DSCAM: variants seen among roughly 807,000 people sequenced by gnomAD.
The protein encoded by DSCAM is DS cell adhesion molecule.
In DSCAM, 47 loss-of-function variants were observed where a neutral mutation model predicts 217.7. That is an observed-to-expected ratio of 0.22 (90% CI 0.17 to 0.28). The LOEUF is 0.28. Among genes scored for constraint, DSCAM ranks in the 10% least tolerant of loss-of-function variants. DSCAM has a pLI of 1.00. For missense variants in DSCAM, 2,080 were observed against 2,618.3 expected, an observed-to-expected ratio of 0.79 and a Z score of 4.49; for synonymous variants, 1,056 against 1,015.3, an observed-to-expected ratio of 1.04 and a Z score of -0.76.
chr21:40,461,163 A>G (rs1474219504), intron 3 of DSCAM, among the ~76,000 whole-genome samples: 1 of 152,206 alleles, frequency 6.6e-6, no homozygotes, highest in Non-Finnish European at 1.5e-5. Flanking sequence ...CATAGGCATA[A>G]TACTTTACCA....
Position 40,238,076 on chromosome 21 carries a change from A to T in DSCAM, c.2356+38021T>A, listed in dbSNP as rs574842736. On this transcript the variant is annotated intron_variant, in intron 11 of 32. Transcript: ENST00000400454. ...GATTGGGAGAAAAATTGAATCAGAT[A>T]TGGGGATATGTGGGAGGAAATGAAG... Among the ~76,000 whole-genome samples, 5 of 152,312 alleles carry T rather than the reference A, an allele frequency of 3.3e-5. No homozygotes were observed. The East Asian group carries it at 9.6e-4, about 29-fold the overall frequency.
intron 3 of DSCAM, among the ~76,000 whole-genome samples, chr21:40,425,490 A>T (rs900896250): frequency 6.6e-6 from 1 of 151,860 alleles, no homozygotes; most frequent in African/African-American, 2.4e-5. Context: ...GTACCTTAGA[A>T]CTTAAAGTAT....
In DSCAM at chr21:40,055,680, G is replaced by C. The variant is rs200676569; in HGVS notation, c.5035+45C>G. ...CTGGGGTTTGGATTGAGAAGGCATG[G>C]CTGTGGCAGCCACTTTGTGTAAAGT... is the stretch of plus-strand genomic sequence containing the variant. On this transcript the variant is annotated intron_variant, in intron 29 of 32. Coordinates refer to ENST00000400454, the MANE Select transcript of DSCAM (RefSeq NM_001389.5). 86 of 1,473,784 alleles carry C rather than the reference G, an allele frequency of 5.8e-5. No homozygotes were observed. The African/African-American group carries it at 1.1e-3, about 20-fold the overall frequency. The allele number at this position is 1,473,784 out of a possible 1,614,324, so 91.3% of individuals were successfully genotyped here.
intron 3 of DSCAM, among the ~76,000 whole-genome samples, chr21:40,635,463 A>G (rs1234428965): frequency 6.6e-6 from 1 of 152,200 alleles, no homozygotes; most frequent in African/African-American, 2.4e-5. Flanking sequence ...TCTAGTTAAG[A>G]AAGAAAGAGA....
At chr21:40,461,337 T>C (rs144856237) in intron 3 of DSCAM, among the ~76,000 whole-genome samples, 2 of 152,286 alleles carry the variant, frequency 1.3e-5, no homozygotes, top group African/African-American at 2.4e-5. Context: ...ACAATAATAA[T>C]AACATTTTCT....
intron 3 of DSCAM, among the ~76,000 whole-genome samples, chr21:40,582,535 C>T (rs1439522649): frequency 6.6e-6 from 1 of 152,120 alleles, no homozygotes; most frequent in Non-Finnish European, 1.5e-5. Context: ...GCTTTTGTAA[C>T]AATTCCCAAA....
At position 40,399,909 on chromosome 21, in the gene DSCAM, GC is replaced by G. The variant is rs747868453; in HGVS notation, c.509-30665del. ...AACAAAGTAACAAAGCAATGTTGCTGCTTTTTTCTCCTGTCCCTGGATTTCC... is the reference window on the plus strand; with the variant it reads ...AACAAAGTAACAAAGCAATGTTGCTGTTTTTTCTCCTGTCCCTGGATTTCC... On this transcript the variant is annotated intron_variant, in intron 3 of 32. Transcript: ENST00000400454. 2.2e-4 allele frequency among the ~76,000 whole-genome samples: 34 copies of G among 152,212 alleles called. No homozygotes were observed. The East Asian group carries it at 2.9e-3, about 13-fold the overall frequency.
intron 6 of DSCAM, among the ~76,000 whole-genome samples, chr21:40,343,428 G>A (rs1409865122): frequency 6.6e-6 from 1 of 152,132 alleles, no homozygotes; most frequent in Non-Finnish European, 1.5e-5. Flanking sequence ...GATTGTTCAG[G>A]ATGCCACTCA....
chr21:40,022,837 G>A (rs1196436750), intron 32 of DSCAM, among the ~76,000 whole-genome samples: 1 of 151,460 alleles, frequency 6.6e-6, no homozygotes, highest in Non-Finnish European at 1.5e-5. Flanking sequence ...TTTACCAAAA[G>A]TATTGAGTTG....
At chr21:40,508,812 C>CTTTTTTTTT (rs2076235748) in intron 3 of DSCAM, among the ~76,000 whole-genome samples, 1 of 30,826 alleles carries the variant, frequency 3.2e-5, no homozygotes, top group Non-Finnish European at 7.0e-5. Flanking sequence ...TTTTTTTTTA[C>CTTTTTTTTT]TTTTTTATAG....
At chr21:40,791,782 C>T (rs1217698355) in intron 1 of DSCAM, among the ~76,000 whole-genome samples, 4 of 152,206 alleles carry the variant, frequency 2.6e-5, no homozygotes, top group Non-Finnish European at 4.4e-5. Flanking sequence ...ATCAAAGTGA[C>T]TCTCCTCACA....
chr21:40,491,445 C>T lies in DSCAM; in HGVS notation c.509-122200G>A, dbSNP rs11911988. ...AGGCCTGCCTCTTTCTAGTGTTGCA[C>T]GCCACCCCCACCCTCCAGTCACCTC... On this transcript the variant is annotated intron_variant, in intron 3 of 32. Transcript: ENST00000400454. Among the ~76,000 whole-genome samples the T allele has an allele frequency of 8.9e-3, 1,349 of 152,058 alleles. 23 individuals are homozygous for T. The highest frequency in any genetic ancestry group is 0.03 in the African/African-American group (1,261 of 41,460).
At chr21:40,213,702 C>T (rs759706173) in intron 11 of DSCAM, among the ~76,000 whole-genome samples, 12 of 152,058 alleles carry the variant, frequency 7.9e-5, no homozygotes, top group Non-Finnish European at 1.5e-4. Context: ...GTTAAGGATG[C>T]CAGGGATGGA....
intron 1 of DSCAM, among the ~76,000 whole-genome samples, chr21:40,751,164 A>G (rs1349000318): frequency 3.3e-5 from 5 of 151,960 alleles, no homozygotes; most frequent in African/African-American, 1.2e-4. Context: ...CCCCGCTGAC[A>G]TCCCCAGGAC....
chr21:40,234,196 T>G (rs1248213884), intron 11 of DSCAM, among the ~76,000 whole-genome samples: 1 of 152,202 alleles, frequency 6.6e-6, no homozygotes, highest in Non-Finnish European at 1.5e-5. Context: ...TTGGACAACA[T>G]GGTGCCTGGG....
At chr21:40,396,042 G>C (rs1029126816) in intron 3 of DSCAM, among the ~76,000 whole-genome samples, 2 of 152,134 alleles carry the variant, frequency 1.3e-5, no homozygotes, top group African/African-American at 4.8e-5. Flanking sequence ...TCCCATGGAG[G>C]CTCCAACTCA....
chr21:40,280,263 C>T (rs1327189472), intron 10 of DSCAM, among the ~76,000 whole-genome samples: 8 of 141,992 alleles, frequency 5.6e-5, no homozygotes, highest in Non-Finnish European at 1.0e-4. Flanking sequence ...CTCGCTGTGG[C>T]CTCGAACTCC....
intron 3 of DSCAM, among the ~76,000 whole-genome samples, chr21:40,602,387 A>G (rs1291943494): frequency 1.3e-5 from 2 of 152,196 alleles, no homozygotes; most frequent in Non-Finnish European, 2.9e-5. Context: ...AAGAGATTGC[A>G]AAGAATTGGT....
intron 16 of DSCAM, among the ~76,000 whole-genome samples, chr21:40,151,769 G>T (rs554302587): frequency 1.3e-5 from 2 of 151,758 alleles, no homozygotes; most frequent in Non-Finnish European, 3.0e-5. Flanking sequence ...TGTGACAGCC[G>T]GGAAGTGTGG....
Sources: allele counts gnomAD v4.1 joint callset (sites outside exome capture counted in the v4.1 genomes callset), GRCh38; gene constraint gnomAD v4.1.1; transcripts MANE v1.5; gene names NCBI Gene and HGNC (gene_info 2026-07-23, HGNC 2026-07-21).